TMEM272: variants seen among roughly 807,000 people sequenced by gnomAD.
The protein encoded by TMEM272 is transmembrane protein 272, also known as long intergenic non-protein coding RNA 282.
Under a neutral mutation model 3.7 loss-of-function variants are expected in TMEM272, and 8 were observed. That is an observed-to-expected ratio of 2.17 (90% CI 1.27 to 3.91). TMEM272 has a LOEUF of 3.91. TMEM272 is among the 30% of genes most tolerant of loss of function. The probability of loss-of-function intolerance (pLI) is 0.00; values close to 1 mark genes in which losing one functional copy is unlikely to be tolerated. For missense variants in TMEM272, 166 were observed against 91.5 expected, an observed-to-expected ratio of 1.81 and a Z score of -3.32; for synonymous variants, 63 against 39.8, an observed-to-expected ratio of 1.58 and a Z score of -2.20.
chr13:51,875,858 C>T, the TMEM272 span, among the ~76,000 whole-genome samples: 1 of 152,166 alleles, frequency 6.6e-6, no homozygotes, highest in African/African-American at 2.4e-5. Flanking sequence ...AGACAGCTGT[C>T]TTTTCCTCCC....
In TMEM272 at chr13:51,816,701, G is replaced by T; in HGVS notation, c.*50C>A. 1 of 655,364 alleles carries T rather than the reference G, an allele frequency of 1.5e-6. No individual in the cohort carries two copies. The highest frequency in any genetic ancestry group is 1.8e-5 in the African/African-American group (1 of 56,494). The allele number at this position is 655,364 out of a possible 1,614,324, so 40.6% of individuals were successfully genotyped here. On this transcript the variant is annotated 3_prime_UTR_variant, in exon 5 of 5. Coordinates refer to ENST00000629372, the MANE Select transcript of TMEM272 (RefSeq NM_001351003.2). Reference sequence around the variant, plus strand: ...TGCGTCTGTGTGTCTGTGTGCACGCGCGTGCATGCACACGCATATGCATAC... The same window carrying T: ...TGCGTCTGTGTGTCTGTGTGCACGCTCGTGCATGCACACGCATATGCATAC...
At chr13:51,891,056 T>C in the TMEM272 span, among the ~76,000 whole-genome samples, 1 of 152,196 alleles carries the variant, frequency 6.6e-6, no homozygotes, top group Non-Finnish European at 1.5e-5. Flanking sequence ...TGACATGAGA[T>C]GTGGCCAAAT....
chr13:51,837,649 G>A (rs1425471636), intron 2 of TMEM272, among the ~76,000 whole-genome samples: 1 of 152,244 alleles, frequency 6.6e-6, no homozygotes, highest in Non-Finnish European at 1.5e-5. Flanking sequence ...AGCTCCTACT[G>A]TGTGTCAGGC....
chr13:51,904,590 C>T, the TMEM272 span, among the ~76,000 whole-genome samples: 2 of 152,038 alleles, frequency 1.3e-5, no homozygotes, highest in East Asian at 1.9e-4. Flanking sequence ...AAGCATGGTC[C>T]GTTTTCAAGA....
At chr13:51,825,174 G>A (rs1956113356) in intron 3 of TMEM272, among the ~76,000 whole-genome samples, 1 of 152,208 alleles carries the variant, frequency 6.6e-6, no homozygotes, top group Non-Finnish European at 1.5e-5. Context: ...CTGCTGAAGT[G>A]ATTGAATTGT....
intron 4 of TMEM272, among the ~76,000 whole-genome samples, chr13:51,819,702 C>T (rs1042785479): frequency 6.6e-6 from 1 of 152,152 alleles, no homozygotes; most frequent in Non-Finnish European, 1.5e-5. Flanking sequence ...CAAAGGGGCA[C>T]GGTGAGGACT....
chr13:51,914,574 G>A, the TMEM272 span, among the ~76,000 whole-genome samples: 7 of 152,228 alleles, frequency 4.6e-5, no homozygotes, highest in South Asian at 4.1e-4. Flanking sequence ...CATGTAAGGC[G>A]GGCGATGGAG....
At chr13:51,881,730 G>T in the TMEM272 span, among the ~76,000 whole-genome samples, 1 of 152,142 alleles carries the variant, frequency 6.6e-6, no homozygotes, top group African/African-American at 2.4e-5. Flanking sequence ...ATGTGAGGGG[G>T]CAGCAAGAAG....
the TMEM272 span, among the ~76,000 whole-genome samples, chr13:51,903,971 G>GTGTGTGTGTGT: frequency 6.6e-6 from 1 of 151,746 alleles, no homozygotes; most frequent in Admixed American, 6.6e-5. Flanking sequence ...GTGTGTGTGT[G>GTGTGTGTGTGT]TTTAGAAAGA....
the TMEM272 span, among the ~76,000 whole-genome samples, chr13:51,876,142 G>A: frequency 1.3e-5 from 2 of 152,198 alleles, no homozygotes; most frequent in South Asian, 4.1e-4. Flanking sequence ...AGGAACAAAT[G>A]TCACTGGAGG....
At chr13:51,876,282 T>G in the TMEM272 span, among the ~76,000 whole-genome samples, 3 of 152,236 alleles carry the variant, frequency 2.0e-5, no homozygotes, top group East Asian at 5.8e-4. Flanking sequence ...GGATTTTCCT[T>G]TGAAGTGTGG....
At chr13:51,818,324 C>T (rs189667336) in intron 4 of TMEM272, among the ~76,000 whole-genome samples, 8 of 152,306 alleles carry the variant, frequency 5.3e-5, no homozygotes, top group East Asian at 3.9e-4. Flanking sequence ...ATGGGAACAG[C>T]GAACCCCAAG....
the TMEM272 span, among the ~76,000 whole-genome samples, chr13:51,872,478 C>T: frequency 8.2e-4 from 124 of 152,048 alleles, no homozygotes; most frequent in Non-Finnish European, 1.5e-3. Flanking sequence ...AGGAAAAGAA[C>T]ATAGGGGAAG....
chr13:51,867,536 C>G, the TMEM272 span, among the ~76,000 whole-genome samples: 1 of 152,104 alleles, frequency 6.6e-6, no homozygotes, highest in Non-Finnish European at 1.5e-5. Context: ...TGAACAAATA[C>G]CCTTGGTGCC....
chr13:51,877,808 G>A, the TMEM272 span, among the ~76,000 whole-genome samples: 1 of 152,036 alleles, frequency 6.6e-6, no homozygotes, highest in Non-Finnish European at 1.5e-5. Context: ...GTTATACTGT[G>A]GTCACTTTAA....
chr13:51,908,465 A>T, the TMEM272 span: 21 of 1,530,610 alleles, frequency 1.4e-5, no homozygotes, highest in Admixed American at 1.7e-5. Flanking sequence ...TTCCTGGAGG[A>T]GGTGGAGGGA....
chr13:51,813,976 TGGAG>T lies in TMEM272; in HGVS notation c.*2771_*2774del, dbSNP rs1453571693. The T allele has an allele frequency of 1.3e-5, 2 of 152,238 alleles. No individual in the cohort carries two copies. Among genetic ancestry groups the T allele is most frequent in the Admixed American group, 6.5e-5 (1 of 15,282 alleles). The allele number at this position is 152,238 out of a possible 1,614,324, so 9.4% of individuals were successfully genotyped here. On this transcript the variant is annotated 3_prime_UTR_variant, in exon 5 of 5. Coordinates refer to ENST00000629372, the MANE Select transcript of TMEM272 (RefSeq NM_001351003.2). ...TTCCCATTGCCTTGCCAGGTTCCCA[TGGAG>T]GAAGGCTGCCCAGCTCTTGGGCCAG...
the TMEM272 span, among the ~76,000 whole-genome samples, chr13:51,928,931 G>A: frequency 2.0e-5 from 3 of 152,318 alleles, no homozygotes; most frequent in Non-Finnish European, 2.9e-5. Context: ...GGGTGTGGTG[G>A]CTCACACCTG....
the TMEM272 span, among the ~76,000 whole-genome samples, chr13:51,902,072 G>C: frequency 2.0e-5 from 3 of 152,236 alleles, no homozygotes; most frequent in Admixed American, 6.5e-5. Flanking sequence ...TTGGGATGTG[G>C]TATCAGGGGG....
Sources: gnomAD v4.1 joint callset for allele counts (sites outside exome capture counted in the v4.1 genomes callset) on GRCh38, gnomAD v4.1.1 for gene constraint, MANE v1.5 for transcripts, NCBI Gene and HGNC (gene_info 2026-07-23, HGNC 2026-07-21) for gene names.